ITGA5: variants seen among roughly 807,000 people sequenced by gnomAD.
The protein encoded by ITGA5 is integrin alpha-5.
In ITGA5, 55 loss-of-function variants were observed where a neutral mutation model predicts 146.3. The ratio of observed to expected loss-of-function variants is 0.38; its 90% CI spans 0.30 to 0.47. The LOEUF (loss-of-function observed/expected upper bound fraction) is 0.47, where lower values mean the gene tolerates loss of function less well. Among genes scored for constraint, ITGA5 ranks in the 20% least tolerant of loss-of-function variants. The pLI, the probability that ITGA5 is intolerant of heterozygous loss-of-function variation, is 0.99. For missense variants in ITGA5, 1,131 were observed against 1,329.0 expected (o/e 0.85, Z 2.32); for synonymous variants, 500 against 531.8 (o/e 0.94, Z 0.82).
rs2120537368 is a variant in ITGA5 at position 54,409,063 on chromosome 12, C to T, written c.584-109G>A. 2 of 1,413,334 alleles carry T rather than the reference C, an allele frequency of 1.4e-6. No homozygotes were observed. Among genetic ancestry groups the T allele is most frequent in the East Asian group, 2.3e-5 (1 of 43,760 alleles). The allele number at this position is 1,413,334 out of a possible 1,614,324, so 87.5% of individuals were successfully genotyped here. ...GAGAGAGAACCAGAGAAAGGGCCTT[C>T]CTGGACCAGACAGTAAGCATAAAGG... On this transcript the variant is annotated intron_variant, in intron 4 of 29. Coordinates refer to ENST00000293379, the MANE Select transcript of ITGA5 (RefSeq NM_002205.5). The surrounding 1 kb of genome is among the most constrained non-coding windows in gnomAD (Gnocchi z 4.7).
intron 25 of ITGA5, 96 bp downstream of exon 25, chr12:54,400,750 A>T: frequency 1.6e-6 from 2 of 1,261,718 alleles, no homozygotes; most frequent in Non-Finnish European, 2.2e-6. Flanking sequence ...GCACATCCTC[A>T]TTGCCTCTTG....
At position 54,407,881 on chromosome 12, in the gene ITGA5, G is replaced by C. The variant is rs1182203279; in HGVS notation, c.818-5C>G. On this transcript the variant is annotated splice_region_variant and splice_polypyrimidine_tract_variant and intron_variant, in intron 7 of 29. Coordinates refer to ENST00000293379, the MANE Select transcript of ITGA5 (RefSeq NM_002205.5). ...CACCAACAGCCACAGAGTATCCTGG[G>C]GGACAGGGTGGGTGGATGTTAGGAT... The C allele has an allele frequency of 5.7e-6, 9 of 1,574,248 alleles. No individual in the cohort carries two copies. The South Asian group carries it at 9.6e-5, about 17-fold the overall frequency.
At position 54,403,799 on chromosome 12, in the gene ITGA5, A is replaced by T; in HGVS notation, c.1622-20T>A. 1 of 1,612,860 alleles carries T rather than the reference A, an allele frequency of 6.2e-7. No homozygotes were observed. The highest frequency in any genetic ancestry group is 2.2e-5 in the East Asian group (1 of 44,838). On this transcript the variant is annotated intron_variant, in intron 16 of 29. Transcript: ENST00000293379. The surrounding 1 kb of genome is among the most constrained non-coding windows in gnomAD (Gnocchi z 4.9). ...TGAAACCTGAAGCCAGGGACATATA[A>T]AGGGAAACTGCCTGTCTTTCCTCAT...
intron 28 of ITGA5, among the ~76,000 whole-genome samples, chr12:54,398,335 C>T (rs968943056): frequency 3.3e-5 from 5 of 152,200 alleles, no homozygotes; most frequent in African/African-American, 1.2e-4. Context: ...AGACTGGGTT[C>T]AGGTGTTCCT....
intron 2 of ITGA5, 44 bp downstream of exon 2, chr12:54,411,790 T>A: frequency 1.5e-6 from 2 of 1,334,170 alleles, no homozygotes; most frequent in Non-Finnish European, 2.0e-6. Flanking sequence ...GCCCCCAGGC[T>A]GCAGTCCCAC....
At chr12:54,399,529 T>C (rs1955759878) in intron 27 of ITGA5, 116 bp downstream of exon 27, 6 of 733,682 alleles carry the variant, frequency 8.2e-6, no homozygotes, top group Non-Finnish European at 1.2e-5. Flanking sequence ...GAAGGGGAGC[T>C]GGAGTGCTGG....
At position 54,407,654 on chromosome 12, in the gene ITGA5, C is replaced by T. The variant is rs756150386; in HGVS notation, c.901G>A (p.Gly301Ser). ...GGGGTCAGGCTGGGTCTTACATAGC[C>T]GTAAGTGAGGTTCCCTTTGGGCACA... ...AGVPKGNLTY[G>S]YVTILNGSDI... The change falls in exon 9 of 30, where the codon GGC (glycine) becomes AGC (serine). Residue 301 changes from glycine to serine, a missense_variant. Transcript: ENST00000293379. 15 of 1,612,932 alleles carry T rather than the reference C, an allele frequency of 9.3e-6. No individual in the cohort carries two copies. The highest frequency in any genetic ancestry group is 1.6e-4 in the Middle Eastern group (1 of 6,080).
intron 1 of ITGA5, among the ~76,000 whole-genome samples, chr12:54,412,882 T>C (rs1473038911): frequency 6.6e-6 from 1 of 152,122 alleles, no homozygotes; most frequent in Non-Finnish European, 1.5e-5. Flanking sequence ...CCAGGACTTG[T>C]ATCTGGCAGC....
intron 11 of ITGA5, 49 bp from the exon 12 acceptor site, chr12:54,405,423 C>T: frequency 1.4e-6 from 2 of 1,412,026 alleles, no homozygotes; most frequent in South Asian, 2.5e-5. Flanking sequence ...TCTTGCCACC[C>T]CACCCCAATC....
chr12:54,404,386 C>T, intron 14 of ITGA5, 44 bp downstream of exon 14: 3 of 1,604,966 alleles, frequency 1.9e-6, no homozygotes, highest in Non-Finnish European at 2.6e-6. Flanking sequence ...TTTCCAGTTC[C>T]AGTCCACCCA....
intron 1 of ITGA5, among the ~76,000 whole-genome samples, chr12:54,414,325 C>G (rs1007016524): frequency 6.6e-6 from 1 of 152,206 alleles, no homozygotes; most frequent in East Asian, 1.9e-4. Context: ...AGCAGTTGGG[C>G]ACTTTTAGGG....
At chr12:54,397,336 G>A (rs1364824721) in intron 29 of ITGA5, 29 bp downstream of exon 29, 2 of 1,613,056 alleles carry the variant, frequency 1.2e-6, no homozygotes, top group Non-Finnish European at 1.7e-6. Flanking sequence ...ATGAGAGGGT[G>A]GCCAAGTCAC....
Position 54,409,637 on chromosome 12 carries a change from A to T in ITGA5, c.350-40T>A, listed in dbSNP as rs1414799780. ...AAGGGGGAGTCTTACTGAGCCATGG[A>T]CATTTGAGCTCTAGGGCAGCCCCTA... is the stretch of plus-strand genomic sequence containing the variant. On this transcript the variant is annotated intron_variant, in intron 2 of 29. Transcript: ENST00000293379. This position sits in a 1 kb window ranked among gnomAD's most constrained non-coding sequence, Gnocchi z 4.7. The T allele has an allele frequency of 3.5e-6, 5 of 1,418,868 alleles. No homozygotes were observed. The highest frequency in any genetic ancestry group is 2.8e-5 in the African/African-American group (2 of 71,128). 87.9% of individuals were successfully genotyped at this position (1,418,868 alleles called of 1,614,324 possible).
rs141443617 is a variant in ITGA5 at position 54,407,688 on chromosome 12, A to G, written c.867T>C (p.Phe289=). The stretch of plus-strand genomic sequence containing the variant: ...GGTTCCCTTTGGGCACACCAGCAAC[A>G]AAGTCTGCAAAGAGAAGAGAAAGTT... ...GEFSGDDTED[F]VAGVPKGNLT... Residue 289 remains phenylalanine (F), a synonymous_variant, in exon 9 of 30, where the codon TTT becomes TTC. Coordinates refer to ENST00000293379, the MANE Select transcript of ITGA5 (RefSeq NM_002205.5). 62 of 1,613,700 alleles carry G rather than the reference A, an allele frequency of 3.8e-5. No homozygotes were observed. Among genetic ancestry groups the G allele is most frequent in the Non-Finnish European group, 5.0e-5 (59 of 1,179,736 alleles).
Position 54,403,658 on chromosome 12 carries a change from T to C in ITGA5, c.1743A>G (p.Arg581=). The C allele has an allele frequency of 6.2e-7, 1 of 1,614,064 alleles. No homozygotes were observed. Among genetic ancestry groups the C allele is most frequent in the Non-Finnish European group, 8.5e-7 (1 of 1,180,036 alleles). ...AGATCTTCATCTCTCTGCAATCCTC[T>C]CGAGCCCCATTCTGGATGAGCAGGG... ...TQTLLIQNGA[R]EDCREMKIYL... Residue 581 remains arginine, a synonymous_variant, in exon 17 of 30, where the codon CGA becomes CGG. Transcript: ENST00000293379. This position sits in a 1 kb window ranked among gnomAD's most constrained non-coding sequence, Gnocchi z 4.9.
At chr12:54,400,715 T>C in intron 25 of ITGA5, 131 bp downstream of exon 25, 1 of 852,124 alleles carries the variant, frequency 1.2e-6, no homozygotes, top group Non-Finnish European at 1.8e-6. Flanking sequence ...ACTTTGGGCC[T>C]TGTGACCCTC....
chr12:54,417,424 G>T (rs935692805), intron 1 of ITGA5, among the ~76,000 whole-genome samples: 1 of 145,516 alleles, frequency 6.9e-6, no homozygotes, highest in Non-Finnish European at 1.5e-5. Context: ...ACCAGGCCTG[G>T]CAGAGGCTCC....
Position 54,408,897 on chromosome 12 carries a change from G to C in ITGA5, c.641C>G (p.Thr214Ser), listed in dbSNP as rs1226321834. The C allele has an allele frequency of 6.2e-7, 1 of 1,613,986 alleles. No individual in the cohort carries two copies. The highest frequency in any genetic ancestry group is 8.5e-7 in the Non-Finnish European group (1 of 1,179,970). ...TCTCCCAGACCACTCTCTCACCTTG[G>C]TGAACTCGGCACTGAAGCCTCCTTG... The part of the protein sequence containing the change: ...YCQGGFSAEF[T>S]KTGRVVLGGP... Residue 214 changes from threonine (T) to serine (S), a missense_variant, in exon 5 of 30, where the codon ACC becomes AGC. Physicochemically the swap from Thr to Ser is moderately conservative, Grantham distance 58. This residue lies in a region of ITGA5 where 67 missense variants were observed against 128.2 expected (regional missense o/e 0.52). Coordinates refer to ENST00000293379, the MANE Select transcript of ITGA5 (RefSeq NM_002205.5).
intron 12 of ITGA5, 33 bp from the exon 13 acceptor site, chr12:54,404,927 G>A: frequency 6.7e-7 from 1 of 1,494,434 alleles, no homozygotes; most frequent in South Asian, 1.4e-5. Context: ...TAGTCAGCAG[G>A]CCAGGAATCC....
Sources: gnomAD v4.1 joint callset for allele counts (sites outside exome capture counted in the v4.1 genomes callset) on GRCh38, gnomAD v4.1.1 for gene constraint, gnomAD v4.1.1 regional missense constraint, Gnocchi (gnomAD v3.1) non-coding constraint, MANE v1.5 for transcripts, NCBI Gene and HGNC (gene_info 2026-07-23, HGNC 2026-07-21) for gene names.